The following LRP1B variants were observed in gnomAD, a reference collection of about 807,000 sequenced individuals.
The protein encoded by LRP1B is LDL receptor related protein 1B.
LRP1B carries 217 observed loss-of-function variants against 556.6 expected under a neutral mutation model. That is an observed-to-expected ratio of 0.39 (90% CI 0.35 to 0.44). The LOEUF is 0.44. Among genes scored for constraint, LRP1B ranks in the 20% least tolerant of loss-of-function variants. LRP1B has a pLI of 1.00. For synonymous variants in LRP1B, 2,047 were observed against 1,865.8 expected (o/e 1.10, Z -2.50); for missense variants, 5,053 against 5,620.8 (o/e 0.90, Z 3.23).
At chr2:140,596,629 C>T (rs1256929847) in intron 43 of LRP1B, among the ~76,000 whole-genome samples, 1 of 152,134 alleles carries the variant, frequency 6.6e-6, no homozygotes, top group Admixed American at 6.6e-5. Flanking sequence ...TTGCTAATTG[C>T]AAGGCATGAG....
chr2:141,924,054 G>A (rs1700270431), intron 1 of LRP1B, among the ~76,000 whole-genome samples: 1 of 152,030 alleles, frequency 6.6e-6, no homozygotes, highest in African/African-American at 2.4e-5. Context: ...AAGTCTGGAG[G>A]CCTGCAGCCC....
At chr2:141,212,249 ATTTTTTTTTTTTTTTTTTTTTTTTTTTT>A (rs59699046) in intron 6 of LRP1B, among the ~76,000 whole-genome samples, 4 of 62,270 alleles carry the variant, frequency 6.4e-5, no homozygotes, top group African/African-American at 1.3e-4. Flanking sequence ...AAAAGTCTAG[ATTTTTTTTTTTTTTTTTTTTTTTTTTTT>A]TTTTTTTTTT....
At chr2:141,857,759 G>C (rs1223434810) in intron 1 of LRP1B, among the ~76,000 whole-genome samples, 8 of 152,100 alleles carry the variant, frequency 5.3e-5, no homozygotes, top group Non-Finnish European at 8.8e-5. Context: ...CATTACATAA[G>C]GCTTTCACAA....
At chr2:141,777,462 C>T (rs1021377058) in intron 2 of LRP1B, among the ~76,000 whole-genome samples, 2 of 152,066 alleles carry the variant, frequency 1.3e-5, no homozygotes, top group African/African-American at 2.4e-5. Flanking sequence ...CTCGCCCAGG[C>T]TGGAGTATGG....
intron 3 of LRP1B, among the ~76,000 whole-genome samples, chr2:141,425,695 C>T (rs13394979): frequency 0.25 from 37,694 of 149,118 alleles, 5,040 homozygotes; most frequent in African/African-American, 0.32. Flanking sequence ...TTTTCATGTG[C>T]CTTTTGGCTG....
intron 2 of LRP1B, among the ~76,000 whole-genome samples, chr2:141,700,514 C>T (rs966554562): frequency 6.6e-6 from 1 of 151,738 alleles, no homozygotes; most frequent in South Asian, 2.1e-4. Context: ...TTACATGTAA[C>T]CCATAAATTA....
chr2:140,327,470 T>A (rs1378926704), intron 79 of LRP1B, among the ~76,000 whole-genome samples: 1 of 152,124 alleles, frequency 6.6e-6, no homozygotes, highest in African/African-American at 2.4e-5. Context: ...TGAAGTCATG[T>A]AAGAAGATAT....
At chr2:140,868,012 T>A (rs1367098477) in intron 26 of LRP1B, 87 bp downstream of exon 26, 3 of 1,412,718 alleles carry the variant, frequency 2.1e-6, no homozygotes, top group Admixed American at 2.3e-5. Context: ...TATGTATACA[T>A]GATACTGACA....
chr2:141,323,085 C>T (rs867532533), intron 3 of LRP1B, among the ~76,000 whole-genome samples: 1 of 152,074 alleles, frequency 6.6e-6, no homozygotes, highest in Admixed American at 6.6e-5. Flanking sequence ...ATTACTATTA[C>T]TACTGCTGCT....
At chr2:141,121,452 A>G (rs1414363729) in intron 7 of LRP1B, among the ~76,000 whole-genome samples, 1 of 152,054 alleles carries the variant, frequency 6.6e-6, no homozygotes, top group African/African-American at 2.4e-5. Flanking sequence ...TTATACACCA[A>G]TAACAGACAA....
At chr2:140,885,390 G>A (rs1391546314) in intron 24 of LRP1B, among the ~76,000 whole-genome samples, 3 of 144,620 alleles carry the variant, frequency 2.1e-5, no homozygotes, top group African/African-American at 7.8e-5. Context: ...GTATTCTGTT[G>A]CCCAGGCTGG....
intron 2 of LRP1B, among the ~76,000 whole-genome samples, chr2:141,745,726 C>A (rs983270623): frequency 4.0e-5 from 6 of 151,826 alleles, no homozygotes; most frequent in African/African-American, 1.5e-4. Context: ...CTTTATTTTT[C>A]CTTCAGCTTT....
At chr2:141,961,805 G>T (rs1321139668) in intron 1 of LRP1B, among the ~76,000 whole-genome samples, 1 of 151,638 alleles carries the variant, frequency 6.6e-6, no homozygotes, top group Non-Finnish European at 1.5e-5. Flanking sequence ...CATTTAACAG[G>T]TGAAGCCACC....
intron 29 of LRP1B, among the ~76,000 whole-genome samples, chr2:140,848,431 G>C (rs918635485): frequency 6.6e-6 from 1 of 152,132 alleles, no homozygotes; most frequent in Non-Finnish European, 1.5e-5. Context: ...CCTGAGATCA[G>C]AAAAGAGCTA....
rs1701680226 is a variant in LRP1B at position 141,969,911 on chromosome 2, GCT to G, written c.83-159512_83-159511del. Among the ~76,000 whole-genome samples, 3 of 151,414 alleles carry G rather than the reference GCT, an allele frequency of 2.0e-5. No homozygotes were observed. The South Asian group carries it at 6.2e-4, about 32-fold the overall frequency. On this transcript the variant is annotated intron_variant, in intron 1 of 90. Transcript: ENST00000389484. ...CACTAAGGTTTGTGGAAATACAAGG[GCT>G]CTTTTTTTTTCCACACTCTTGCCAA...
chr2:141,803,190 T>C (rs35811114), intron 2 of LRP1B, among the ~76,000 whole-genome samples: 5,536 of 150,846 alleles, frequency 0.037, 174 homozygotes, highest in Non-Finnish European at 0.054. Flanking sequence ...TGAATTGTAC[T>C]TCCATCACCT....
At chr2:140,614,379 G>A (rs1683185917) in intron 41 of LRP1B, among the ~76,000 whole-genome samples, 1 of 151,524 alleles carries the variant, frequency 6.6e-6, no homozygotes, top group African/African-American at 2.4e-5. Flanking sequence ...ACTTTACTGA[G>A]TAAATTTTTT....
chr2:140,445,922 T>C (rs1686638790), intron 63 of LRP1B, among the ~76,000 whole-genome samples: 1 of 152,170 alleles, frequency 6.6e-6, no homozygotes, highest in Non-Finnish European at 1.5e-5. Context: ...CTCAAATCAG[T>C]GAATCAAACA....
chr2:142,067,183 C>CAG (rs941077793), intron 1 of LRP1B, among the ~76,000 whole-genome samples: 6 of 151,356 alleles, frequency 4.0e-5, no homozygotes, highest in African/African-American at 1.2e-4. Flanking sequence ...TGAACACACC[C>CAG]AGATAATCCA....
Sources: allele counts gnomAD v4.1 joint callset (sites outside exome capture counted in the v4.1 genomes callset), GRCh38; gene constraint gnomAD v4.1.1; transcripts MANE v1.5; gene names NCBI Gene and HGNC (gene_info 2026-07-23, HGNC 2026-07-21).